The following ZNF365 variants were observed in gnomAD, a reference collection of about 807,000 sequenced individuals.
The protein encoded by ZNF365 is protein ZNF365.
A neutral mutation model predicts 35.0 loss-of-function variants in ZNF365; 22 were observed. The observed-to-expected ratio is 0.63, with a 90% CI of 0.45 to 0.90. The LOEUF (loss-of-function observed/expected upper bound fraction) is 0.90. Among genes scored for constraint, ZNF365 ranks in the 40% least tolerant of loss-of-function variants. The probability of loss-of-function intolerance (pLI) is 0.00; values close to 1 mark genes in which losing one functional copy is unlikely to be tolerated. For missense variants in ZNF365, 448 were observed against 500.3 expected (o/e 0.90, Z 1.00); for synonymous variants, 188 against 196.2 (o/e 0.96, Z 0.35).
chr10:62,472,570 G>A (rs764091866), intron 4 of ZNF365, among the ~76,000 whole-genome samples: 2 of 152,188 alleles, frequency 1.3e-5, no homozygotes, highest in African/African-American at 4.8e-5. Flanking sequence ...AGTGAGGAGA[G>A]GGGCCTGTGA....
intron 3 of ZNF365, among the ~76,000 whole-genome samples, chr10:62,428,997 C>A (rs531885114): frequency 6.6e-6 from 1 of 152,288 alleles, no homozygotes; most frequent in African/African-American, 2.4e-5. Flanking sequence ...ATGAGAGGCA[C>A]GCAGTAGGCA....
Position 62,390,756 on chromosome 10 carries a change from G to A in ZNF365, c.924+2180G>A, listed in dbSNP as rs552898653. ...ACATGCCTAGGGTATATGGTATATGGCCTATTACTCCCAGGCTATAAACCT... is the reference window on the plus strand; with the variant it reads ...ACATGCCTAGGGTATATGGTATATGACCTATTACTCCCAGGCTATAAACCT... On this transcript the variant is annotated intron_variant, in intron 3 of 4. Transcript: ENST00000395254. Among the ~76,000 whole-genome samples the A allele has an allele frequency of 2.6e-5, 4 of 152,278 alleles. No individual in the cohort carries two copies. The South Asian group carries it at 8.3e-4, about 32-fold the overall frequency.
At chr10:62,391,188 A>G (rs935189143) in intron 3 of ZNF365, among the ~76,000 whole-genome samples, 13 of 152,220 alleles carry the variant, frequency 8.5e-5, no homozygotes, top group Admixed American at 8.5e-4. Flanking sequence ...CAAACATTAT[A>G]TAGAAGTACA....
intron 3 of ZNF365, among the ~76,000 whole-genome samples, chr10:62,393,788 A>G (rs917676723): frequency 5.9e-5 from 9 of 152,230 alleles, no homozygotes; most frequent in Non-Finnish European, 1.0e-4. Context: ...AAGTACAGTT[A>G]GAATATAGCA....
Position 62,389,231 on chromosome 10 carries a change from G to A in ZNF365, c.924+655G>A, listed in dbSNP as rs184281096. Among the ~76,000 whole-genome samples the A allele has an allele frequency of 3.4e-3, 505 of 150,064 alleles. 2 individuals are homozygous for A. The highest frequency in any genetic ancestry group is 5.1e-3 in the Non-Finnish European group (343 of 67,586). The stretch of plus-strand genomic sequence containing the variant: ...GCTTGATCAGGATTCCCTTGGTCTC[G>A]TTGGAGGGCGGAGGGAGGTACAAAT... On this transcript the variant is annotated intron_variant, in intron 3 of 4. Transcript: ENST00000395254.
intron 3 of ZNF365, among the ~76,000 whole-genome samples, chr10:62,391,677 A>AT (rs1839632655): frequency 6.6e-6 from 1 of 152,146 alleles, no homozygotes; most frequent in Admixed American, 6.5e-5. Flanking sequence ...CTGGTTCAGT[A>AT]TTTTTTCAAT....
intron 3 of ZNF365, among the ~76,000 whole-genome samples, chr10:62,449,353 G>T (rs1319015387): frequency 6.6e-6 from 1 of 152,190 alleles, no homozygotes; most frequent in Non-Finnish European, 1.5e-5. Context: ...TCATGGAGGG[G>T]TTCCAGTGTG....
At chr10:62,375,945 C>T (rs540934153) in intron 1 of ZNF365, 6 of 478,994 alleles carry the variant, frequency 1.3e-5, no homozygotes, top group Non-Finnish European at 2.2e-5. Flanking sequence ...TTACTCACCA[C>T]TGCCATTGTG....
At chr10:62,450,545 G>A (rs1278742675) in intron 3 of ZNF365, among the ~76,000 whole-genome samples, 1 of 152,186 alleles carries the variant, frequency 6.6e-6, no homozygotes, top group East Asian at 1.9e-4. Context: ...TATGCACTGT[G>A]AGGTAGAACA....
At chr10:62,375,082 A>T (rs962707481) in intron 1 of ZNF365, among the ~76,000 whole-genome samples, 5 of 151,952 alleles carry the variant, frequency 3.3e-5, no homozygotes, top group African/African-American at 1.2e-4. Flanking sequence ...TCACCCAAAG[A>T]CCCCAGCTGG....
At chr10:62,478,191 C>T (rs1841163383) in intron 4 of ZNF365, among the ~76,000 whole-genome samples, 1 of 152,142 alleles carries the variant, frequency 6.6e-6, no homozygotes, top group South Asian at 2.1e-4. Flanking sequence ...AAGGAGAAGC[C>T]ATCTGCCTCT....
intron 2 of ZNF365, among the ~76,000 whole-genome samples, chr10:62,378,538 C>T (rs1049396949): frequency 6.6e-6 from 1 of 152,092 alleles, no homozygotes; most frequent in Non-Finnish European, 1.5e-5. Context: ...ACCTGAGCAC[C>T]AACTGAAAAA....
chr10:62,420,534 G>A (rs1217051560), intron 3 of ZNF365, among the ~76,000 whole-genome samples: 2 of 152,036 alleles, frequency 1.3e-5, no homozygotes, highest in Non-Finnish European at 2.9e-5. Context: ...ATTGTAATTG[G>A]CCCATATAAC....
chr10:62,438,899 G>A (rs760932039), intron 3 of ZNF365, among the ~76,000 whole-genome samples: 1 of 152,128 alleles, frequency 6.6e-6, no homozygotes, highest in Non-Finnish European at 1.5e-5. Flanking sequence ...AATTTGCCTG[G>A]TCTCTATTCC....
chr10:62,456,925 A>G (rs1840770693), intron 3 of ZNF365, among the ~76,000 whole-genome samples: 1 of 152,172 alleles, frequency 6.6e-6, no homozygotes, highest in African/African-American at 2.4e-5. Context: ...CTGAGGTCAG[A>G]TGATCTAGAT....
At chr10:62,473,851 G>C (rs780063942) in intron 4 of ZNF365, among the ~76,000 whole-genome samples, 3 of 152,136 alleles carry the variant, frequency 2.0e-5, no homozygotes, top group Non-Finnish European at 4.4e-5. Flanking sequence ...CCAGAGGTTG[G>C]TATCAGGGTC....
Position 62,400,185 on chromosome 10 carries a change from T to C in ZNF365, c.*396T>C. ...CATCTGTGCCCACTGCTCTCCAAAG[T>C]GCGAGGCAAGGAATGGCAGTGTAAA... On this transcript the variant is annotated 3_prime_UTR_variant, in exon 5 of 5. Coordinates refer to ENST00000395254, the MANE Select transcript of ZNF365 (RefSeq NM_014951.3). The C allele has an allele frequency of 2.0e-6, 2 of 1,006,820 alleles. No homozygotes were observed. The highest frequency in any genetic ancestry group is 8.7e-5 in the South Asian group (2 of 22,884). 62.4% of individuals were successfully genotyped at this position (1,006,820 alleles called of 1,614,324 possible).
In ZNF365 at chr10:62,394,581, T is replaced by C. The variant is rs544557060; in HGVS notation, c.925-4159T>C. The stretch of plus-strand genomic sequence containing the variant: ...TCACTTTGTGTCTAATTCGGCACCA[T>C]TTTTCAGAGCATAAAGATAAAATAT... On this transcript the variant is annotated intron_variant, in intron 3 of 4. Transcript: ENST00000395254. Among the ~76,000 whole-genome samples, 23 of 152,314 alleles carry C rather than the reference T, an allele frequency of 1.5e-4. No individual in the cohort carries two copies. The South Asian group carries it at 4.6e-3, about 30-fold the overall frequency.
intron 3 of ZNF365, among the ~76,000 whole-genome samples, chr10:62,407,692 A>G (rs533310580): frequency 1.2e-4 from 18 of 152,294 alleles, no homozygotes; most frequent in African/African-American, 4.3e-4. Flanking sequence ...TGTAGAAGGC[A>G]TATGAACCTG....
Sources: gnomAD v4.1 joint callset for allele counts (sites outside exome capture counted in the v4.1 genomes callset) on GRCh38, gnomAD v4.1.1 for gene constraint, MANE v1.5 for transcripts, NCBI Gene and HGNC (gene_info 2026-07-23, HGNC 2026-07-21) for gene names.